LRRC36: variants seen among roughly 807,000 people sequenced by gnomAD.
LRRC36 encodes leucine rich repeat containing 36, also known as leucine-rich repeat-containing protein 36.
Under a neutral mutation model 81.1 loss-of-function variants are expected in LRRC36, and 62 were observed. The observed-to-expected ratio is 0.76, with a 90% CI of 0.62 to 0.94. LRRC36 has a LOEUF of 0.94. Among genes scored for constraint, LRRC36 ranks in the 40% least tolerant of loss-of-function variants. LRRC36 has a pLI of 0.00. For synonymous variants in LRRC36, 334 were observed against 348.6 expected, an observed-to-expected ratio of 0.96 and a Z score of 0.47; for missense variants, 761 against 881.7, an observed-to-expected ratio of 0.86 and a Z score of 1.73.
chr16:67,369,120 A>C (rs2039528256), intron 8 of LRRC36, among the ~76,000 whole-genome samples: 1 of 152,198 alleles, frequency 6.6e-6, no homozygotes, highest in Non-Finnish European at 1.5e-5. Flanking sequence ...TGGAAATATA[A>C]ATTTGGAGAT....
chr16:67,344,884 G>A (rs1031891739), intron 2 of LRRC36, among the ~76,000 whole-genome samples: 6 of 152,086 alleles, frequency 3.9e-5, no homozygotes, highest in African/African-American at 1.4e-4. Flanking sequence ...ATTTTAAATG[G>A]GAGGAGAATA....
intron 13 of LRRC36, among the ~76,000 whole-genome samples, chr16:67,383,729 C>T (rs1210045815): frequency 6.6e-6 from 1 of 152,152 alleles, no homozygotes; most frequent in African/African-American, 2.4e-5. Flanking sequence ...ATCTTGTTTT[C>T]ATAATTATGT....
chr16:67,350,138 T>C, intron 4 of LRRC36, 64 bp from the exon 5 acceptor site: 1 of 1,100,220 alleles, frequency 9.1e-7, no homozygotes, highest in Non-Finnish European at 1.3e-6. Flanking sequence ...AAATAGCATT[T>C]ACTGGTGATC....
chr16:67,364,184 G>A (rs781658199), intron 6 of LRRC36, among the ~76,000 whole-genome samples: 12 of 152,210 alleles, frequency 7.9e-5, no homozygotes, highest in Non-Finnish European at 1.2e-4. Context: ...GGTAAAGATG[G>A]CATGGAAGTT....
At chr16:67,368,714 G>C (rs2039509145) in intron 8 of LRRC36, among the ~76,000 whole-genome samples, 2 of 152,186 alleles carry the variant, frequency 1.3e-5, no homozygotes, top group South Asian at 4.1e-4. Context: ...ACTATGGGGA[G>C]GAGGGTAGAA....
chr16:67,337,824 G>T (rs1036654197), intron 1 of LRRC36, among the ~76,000 whole-genome samples: 1 of 151,958 alleles, frequency 6.6e-6, no homozygotes, highest in African/African-American at 2.4e-5. Flanking sequence ...AGGGCTGGGC[G>T]TGGTGGTTCC....
At chr16:67,331,069 A>AGAGAGAGAGAGAGAGAGAG (rs2037461259) in intron 1 of LRRC36, among the ~76,000 whole-genome samples, 1 of 118,536 alleles carries the variant, frequency 8.4e-6, no homozygotes, top group African/African-American at 3.6e-5. Flanking sequence ...GTGAGAGAGA[A>AGAGAGAGAGAGAGAGAGAG]AGAGAGAGAG....
intron 6 of LRRC36, 116 bp from the exon 7 acceptor site, chr16:67,365,188 G>C (rs2039326855): frequency 6.3e-6 from 4 of 636,346 alleles, no homozygotes; most frequent in African/African-American, 1.8e-5. Context: ...TGTTTCCCTA[G>C]CTTGCAAGGA....
intron 2 of LRRC36, among the ~76,000 whole-genome samples, chr16:67,344,929 A>G (rs1312714934): frequency 6.6e-6 from 1 of 152,170 alleles, no homozygotes; most frequent in Non-Finnish European, 1.5e-5. Flanking sequence ...ATGGAAAATA[A>G]TTTCACCTTT....
At chr16:67,356,495 A>G (rs116899303) in intron 5 of LRRC36, among the ~76,000 whole-genome samples, 9,129 of 152,308 alleles carry the variant, frequency 0.06, 392 homozygotes, top group Middle Eastern at 0.11. Context: ...GGGGAGAGGC[A>G]GTTAGCAATC....
intron 5 of LRRC36, among the ~76,000 whole-genome samples, chr16:67,360,107 A>G (rs1264431081): frequency 6.6e-6 from 1 of 151,768 alleles, no homozygotes; most frequent in Non-Finnish European, 1.5e-5. Flanking sequence ...AGCCTGAGCA[A>G]CAGAGCAAGA....
chr16:67,373,970 G>T (rs2039774250), intron 9 of LRRC36, among the ~76,000 whole-genome samples: 2 of 152,058 alleles, frequency 1.3e-5, no homozygotes, highest in South Asian at 4.1e-4. Context: ...CTGAGATCAT[G>T]CGACTACAGT....
At chr16:67,352,641 TCTTATTTA>T (rs1450649400) in intron 5 of LRRC36, among the ~76,000 whole-genome samples, 12 of 148,324 alleles carry the variant, frequency 8.1e-5, no homozygotes, top group Non-Finnish European at 1.3e-4. Flanking sequence ...TAAATAAATG[TCTTATTTA>T]TTTATTTATT....
At chr16:67,335,335 T>C (rs1366384025) in intron 1 of LRRC36, among the ~76,000 whole-genome samples, 1 of 152,226 alleles carries the variant, frequency 6.6e-6, no homozygotes, top group African/African-American at 2.4e-5. Flanking sequence ...ATATTTCTCC[T>C]GTTTGCTTTT....
At chr16:67,376,112 A>G (rs1296602134) in intron 10 of LRRC36, among the ~76,000 whole-genome samples, 2 of 152,180 alleles carry the variant, frequency 1.3e-5, no homozygotes, top group Non-Finnish European at 2.9e-5. Flanking sequence ...GTTCGACACC[A>G]GCCTGGCCAA....
chr16:67,334,116 CT>C (rs1412532404), intron 1 of LRRC36, among the ~76,000 whole-genome samples: 1 of 150,140 alleles, frequency 6.7e-6, no homozygotes, highest in Non-Finnish European at 1.5e-5. Context: ...ACCGCAAGCT[CT>C]GTCTCCCAGA....
At chr16:67,338,658 A>G (rs759698916) in intron 1 of LRRC36, among the ~76,000 whole-genome samples, 26 of 152,096 alleles carry the variant, frequency 1.7e-4, no homozygotes, top group Non-Finnish European at 3.2e-4. Flanking sequence ...TTGTAACGTT[A>G]CACATTGGTC....
Position 67,365,713 on chromosome 16 carries a change from T to C in LRRC36, c.754+358T>C, listed in dbSNP as rs927017326. 3.9e-5 allele frequency among the ~76,000 whole-genome samples: 6 copies of C among 152,324 alleles called. No homozygotes were observed. The East Asian group carries it at 7.7e-4, about 20-fold the overall frequency. On this transcript the variant is annotated intron_variant, in intron 7 of 13. Transcript: ENST00000329956. ...TAGTATTATTCCCCAAATGATAATA[T>C]GTATCCTTAACTTACATAATTTTTA...
chr16:67,383,583 A>G (rs938978309), intron 13 of LRRC36, among the ~76,000 whole-genome samples: 8 of 152,174 alleles, frequency 5.3e-5, no homozygotes, highest in African/African-American at 1.9e-4. Flanking sequence ...AAACATTAGG[A>G]TATATTGCTT....
Sources: allele counts gnomAD v4.1 joint callset (sites outside exome capture counted in the v4.1 genomes callset), GRCh38; gene constraint gnomAD v4.1.1; transcripts MANE v1.5; gene names NCBI Gene and HGNC (gene_info 2026-07-23, HGNC 2026-07-21).